The following FOXO3 variants were observed in gnomAD, a reference collection of about 807,000 sequenced individuals.
FOXO3 encodes forkhead box O3, also known as forkhead box protein O3.
Under a neutral mutation model 41.9 loss-of-function variants are expected in FOXO3, and 4 were observed. The observed-to-expected ratio is 0.10, with a 90% CI of 0.05 to 0.22. FOXO3 has a LOEUF of 0.22. Ranked by LOEUF, FOXO3 falls within the 10% of genes least tolerant of loss-of-function variation. The pLI is 1.00. For missense variants in FOXO3, 534 were observed against 906.8 expected (o/e 0.59, Z 5.28); for synonymous variants, 318 against 389.3 (o/e 0.82, Z 2.16).
chr6:108,616,290 G>A (rs1469222699), intron 1 of FOXO3, among the ~76,000 whole-genome samples: 1 of 147,514 alleles, frequency 6.8e-6, no homozygotes, highest in Admixed American at 6.9e-5. Flanking sequence ...TCAGCCTCCC[G>A]AGTAGCTGGG....
At chr6:108,634,180 G>A (rs57882046) in intron 1 of FOXO3, among the ~76,000 whole-genome samples, 7,165 of 152,230 alleles carry the variant, frequency 0.047, 439 homozygotes, top group African/African-American at 0.14. Context: ...AGGCATGAAA[G>A]AAAAATGCCT....
chr6:108,593,808 C>G (rs1562237494), intron 1 of FOXO3, among the ~76,000 whole-genome samples: 2 of 146,418 alleles, frequency 1.4e-5, no homozygotes, highest in Non-Finnish European at 3.0e-5. Context: ...CCTCTGTCTC[C>G]TGGGTTCAAG....
At position 108,663,818 on chromosome 6, in the gene FOXO3, G is replaced by C. The variant is rs1413129330; in HGVS notation, c.985G>C (p.Ala329Pro). 1 of 1,613,914 alleles carries C rather than the reference G, an allele frequency of 6.2e-7. No individual in the cohort carries two copies. The highest frequency in any genetic ancestry group is 1.1e-5 in the South Asian group (1 of 91,068). The change falls in exon 2 of 3, where the codon GCA becomes CCA. Residue 329 changes from alanine to proline, a missense_variant. This residue lies in a region of FOXO3 where 185 missense variants were observed against 224.9 expected (regional missense o/e 0.82). Coordinates refer to ENST00000406360, the MANE Select transcript of FOXO3 (RefSeq NM_001455.4). The stretch of plus-strand genomic sequence containing the variant: ...CAGTGGCCGCCTGTCGCCCATCATG[G>C]CAAGCACAGAGTTGGATGAAGTCCA... ...TVSGRLSPIM[A>P]STELDEVQDD...
At chr6:108,576,027 A>G (rs1334457902) in intron 1 of FOXO3, among the ~76,000 whole-genome samples, 1 of 152,220 alleles carries the variant, frequency 6.6e-6, no homozygotes, top group African/African-American at 2.4e-5. Flanking sequence ...TGGTGTGAGC[A>G]TGTTTGCTTT....
rs1447192143 is a variant in FOXO3, at chr6:108,681,408, C to G, written c.*1616C>G. The G allele has an allele frequency of 6.6e-6, 1 of 152,314 alleles. No individual in the cohort carries two copies. The highest frequency in any genetic ancestry group is 1.9e-4 in the East Asian group (1 of 5,194). The allele number at this position is 152,314 out of a possible 1,614,324, so 9.4% of individuals were successfully genotyped here. The stretch of plus-strand genomic sequence containing the variant: ...CAGCACAGACTTCCCTGCTTGAGTT[C>G]TTGCTGATGCTTGCACCGTGACAGT... On this transcript the variant is annotated 3_prime_UTR_variant, in exon 3 of 3. Transcript: ENST00000406360.
intron 1 of FOXO3, among the ~76,000 whole-genome samples, chr6:108,598,422 A>G (rs1187609467): frequency 1.3e-5 from 2 of 152,124 alleles, no homozygotes; most frequent in Non-Finnish European, 2.9e-5. Context: ...GCAGTTGCTG[A>G]GTGATAAACT....
At chr6:108,672,995 C>T (rs999867924) in intron 2 of FOXO3, among the ~76,000 whole-genome samples, 1 of 152,130 alleles carries the variant, frequency 6.6e-6, no homozygotes, top group African/African-American at 2.4e-5. Flanking sequence ...TTCCAGTAGG[C>T]CTTCATTTCT....
Position 108,561,438 on chromosome 6 carries a change from T to C in FOXO3, c.230T>C (p.Met77Thr), listed in dbSNP as rs997297871. The C allele has an allele frequency of 4.6e-6, 7 of 1,534,092 alleles. No individual in the cohort carries two copies. The highest frequency in any genetic ancestry group is 6.1e-6 in the Non-Finnish European group (7 of 1,143,104). The change falls in exon 1 of 3, where the codon ATG becomes ACG. Residue 77 changes from methionine (M) to threonine (T), a missense_variant. Transcript: ENST00000406360. Reference protein sequence around the residue: ...EDGGGRAGSAMAIGGGGGSGT... With the variant: ...EDGGGRAGSATAIGGGGGSGT... ...GGCGGGGGACGGGCCGGCTCGGCCA[T>C]GGCGATCGGCGGCGGCGGCGGGAGC...
intron 2 of FOXO3, among the ~76,000 whole-genome samples, chr6:108,674,318 A>G (rs1363322965): frequency 6.6e-6 from 1 of 152,188 alleles, no homozygotes; most frequent in African/African-American, 2.4e-5. Flanking sequence ...TGATTCAGCC[A>G]ACATTTATAG....
intron 1 of FOXO3, among the ~76,000 whole-genome samples, chr6:108,627,362 C>T (rs898003275): frequency 6.6e-6 from 1 of 151,930 alleles, no homozygotes; most frequent in African/African-American, 2.4e-5. Flanking sequence ...CTAGCTGGCT[C>T]ATAATACTGA....
chr6:108,618,233 T>C, intron 1 of FOXO3: 1 of 809,248 alleles, frequency 1.2e-6, no homozygotes, highest in Non-Finnish European at 2.2e-6. Context: ...CACCTTCAAA[T>C]TAATATGATT....
At chr6:108,654,631 C>T (rs1335393029) in intron 1 of FOXO3, among the ~76,000 whole-genome samples, 1 of 152,010 alleles carries the variant, frequency 6.6e-6, no homozygotes. Context: ...AAGGCCATCT[C>T]TGTGGGTAGA....
At chr6:108,589,310 C>T (rs1480228069) in intron 1 of FOXO3, among the ~76,000 whole-genome samples, 1 of 152,228 alleles carries the variant, frequency 6.6e-6, no homozygotes, top group Non-Finnish European at 1.5e-5. Context: ...GCACCCCCTG[C>T]CCCGGAGCTG....
chr6:108,623,070 C>A (rs1777713027), intron 1 of FOXO3, among the ~76,000 whole-genome samples: 1 of 152,048 alleles, frequency 6.6e-6, no homozygotes, highest in Admixed American at 6.6e-5. Context: ...GCACTGTTTT[C>A]CATCTCATCT....
rs1437417635 is a variant in FOXO3, at chr6:108,684,178, C to A, written c.*4386C>A. 6.6e-6 allele frequency: 1 copy of A among 152,560 alleles called. No individual in the cohort carries two copies. Among genetic ancestry groups the A allele is most frequent in the East Asian group, 1.9e-4 (1 of 5,198 alleles). The allele number at this position is 152,560 out of a possible 1,614,324, so 9.5% of individuals were successfully genotyped here. ...GTCACTTATTTCTCTAAAATTATCT[C>A]ATTGCCTGGCAATCAGTCTTCTCTT... On this transcript the variant is annotated 3_prime_UTR_variant, in exon 3 of 3. Coordinates refer to ENST00000406360, the MANE Select transcript of FOXO3 (RefSeq NM_001455.4).
chr6:108,603,985 G>A (rs1311758546), intron 1 of FOXO3, among the ~76,000 whole-genome samples: 1 of 152,008 alleles, frequency 6.6e-6, no homozygotes, highest in African/African-American at 2.4e-5. Context: ...CTATGAAATT[G>A]CCTAGGAATG....
chr6:108,632,386 T>C (rs1303307848), intron 1 of FOXO3, among the ~76,000 whole-genome samples: 1 of 152,210 alleles, frequency 6.6e-6, no homozygotes, highest in Non-Finnish European at 1.5e-5. Flanking sequence ...ATTTTAGCAG[T>C]CTGAAAAAAT....
intron 1 of FOXO3, among the ~76,000 whole-genome samples, chr6:108,642,089 GTTT>G (rs5878987): frequency 7.4e-6 from 1 of 134,986 alleles, no homozygotes. Flanking sequence ...TGCTTTTGGT[GTTT>G]TTTTTTTTTT....
At chr6:108,629,995 A>C (rs1216787698) in intron 1 of FOXO3, among the ~76,000 whole-genome samples, 1 of 152,198 alleles carries the variant, frequency 6.6e-6, no homozygotes, top group Non-Finnish European at 1.5e-5. Context: ...TCATCCTCGA[A>C]GGTCTTAAAA....
Sources: gnomAD v4.1 joint callset for allele counts (sites outside exome capture counted in the v4.1 genomes callset) on GRCh38, gnomAD v4.1.1 for gene constraint, gnomAD v4.1.1 regional missense constraint, MANE v1.5 for transcripts, NCBI Gene and HGNC (gene_info 2026-07-23, HGNC 2026-07-21) for gene names.